The following GRID1 variants were observed in gnomAD, a reference collection of about 807,000 sequenced individuals.
The protein encoded by GRID1 is glutamate receptor ionotropic, delta-1.
Under a neutral mutation model 98.0 loss-of-function variants are expected in GRID1, and 28 were observed. That is an observed-to-expected ratio of 0.29 (90% CI 0.21 to 0.39). GRID1 has a LOEUF of 0.39. GRID1 is among the 10% of genes least tolerant of loss of function. The pLI is 1.00. For missense variants in GRID1, 1,111 were observed against 1,340.5 expected (o/e 0.83, Z 2.67); for synonymous variants, 553 against 538.5 (o/e 1.03, Z -0.37).
chr10:86,119,291 G>A (rs1302996979), intron 4 of GRID1, among the ~76,000 whole-genome samples: 1 of 152,022 alleles, frequency 6.6e-6, no homozygotes, highest in Non-Finnish European at 1.5e-5. Flanking sequence ...GCTGAGATCA[G>A]GCCACTGCAC....
At chr10:86,258,625 G>A (rs752279121) in intron 2 of GRID1, among the ~76,000 whole-genome samples, 4 of 152,176 alleles carry the variant, frequency 2.6e-5, no homozygotes, top group African/African-American at 7.2e-5. Context: ...CTTAGAGCTT[G>A]TTCAAAAGAG....
intron 4 of GRID1, among the ~76,000 whole-genome samples, chr10:85,928,823 A>G (rs1841811199): frequency 6.6e-6 from 1 of 152,214 alleles, no homozygotes; most frequent in Non-Finnish European, 1.5e-5. Context: ...ACCATTCAGA[A>G]TATTTTGGAA....
intron 2 of GRID1, among the ~76,000 whole-genome samples, chr10:86,211,184 A>AGGCAGCATGAATG (rs1256159437): frequency 6.6e-6 from 1 of 152,174 alleles, no homozygotes; most frequent in East Asian, 1.9e-4. Context: ...CATAGTAGCA[A>AGGCAGCATGAATG]CTCAGAAGTC....
intron 12 of GRID1, among the ~76,000 whole-genome samples, chr10:85,720,272 C>A (rs573393728): frequency 6.6e-6 from 1 of 151,964 alleles, no homozygotes; most frequent in Non-Finnish European, 1.5e-5. Context: ...GCTCTGAATA[C>A]AATTCTGAAA....
intron 2 of GRID1, among the ~76,000 whole-genome samples, chr10:86,214,081 G>C (rs2132024861): frequency 1.3e-5 from 2 of 152,250 alleles, no homozygotes; most frequent in South Asian, 4.2e-4. Flanking sequence ...TGGACACACT[G>C]TCCATTCTAC....
chr10:85,921,651 C>G (rs1841705381), intron 4 of GRID1, among the ~76,000 whole-genome samples: 2 of 152,204 alleles, frequency 1.3e-5, no homozygotes, highest in Admixed American at 1.3e-4. Flanking sequence ...AGGCAGCTCT[C>G]CTAGACTGGT....
At chr10:86,022,507 T>G (rs1020892823) in intron 4 of GRID1, among the ~76,000 whole-genome samples, 2 of 151,250 alleles carry the variant, frequency 1.3e-5, no homozygotes, top group Non-Finnish European at 3.0e-5. Flanking sequence ...AACCCCAAAG[T>G]CAGTTAAAGG....
At chr10:86,338,618 C>T (rs573341526) in intron 2 of GRID1, among the ~76,000 whole-genome samples, 111 of 152,296 alleles carry the variant, frequency 7.3e-4, no homozygotes, top group African/African-American at 2.3e-3. Context: ...AGTTCAGTGG[C>T]GCAATCTCGG....
intron 12 of GRID1, among the ~76,000 whole-genome samples, chr10:85,708,113 T>TAAAA (rs768805148): frequency 8.3e-6 from 1 of 120,930 alleles, no homozygotes. Context: ...TAAAGTATAA[T>TAAAA]AAAAAAAAAA....
chr10:86,294,024 G>A (rs74957704), intron 2 of GRID1, among the ~76,000 whole-genome samples: 236 of 152,200 alleles, frequency 1.6e-3, no homozygotes, highest in South Asian at 8.5e-3. Flanking sequence ...GAGTATATTC[G>A]CGGGTGATCA....
intron 2 of GRID1, among the ~76,000 whole-genome samples, chr10:86,270,252 C>T (rs1847164974): frequency 6.6e-6 from 1 of 152,156 alleles, no homozygotes; most frequent in East Asian, 1.9e-4. Context: ...TGCAGCCTGG[C>T]ACAGAACAGT....
chr10:85,921,527 T>C (rs765350731), intron 4 of GRID1, among the ~76,000 whole-genome samples: 8 of 152,200 alleles, frequency 5.3e-5, no homozygotes, highest in Non-Finnish European at 1.0e-4. Context: ...CTGGCCACCC[T>C]GATCTCACGA....
chr10:85,719,277 G>A (rs749884660), intron 12 of GRID1, among the ~76,000 whole-genome samples: 9 of 152,170 alleles, frequency 5.9e-5, no homozygotes, highest in East Asian at 1.9e-4. Flanking sequence ...CTTCTGAGCC[G>A]TCCAAACTGT....
chr10:85,884,849 T>C (rs1198512556), intron 5 of GRID1, among the ~76,000 whole-genome samples: 1 of 152,108 alleles, frequency 6.6e-6, no homozygotes, highest in African/African-American at 2.4e-5. Flanking sequence ...CCATTTTCAA[T>C]GGGAGAAGTA....
intron 2 of GRID1, among the ~76,000 whole-genome samples, chr10:86,236,650 C>A (rs958155240): frequency 6.6e-5 from 10 of 152,212 alleles, no homozygotes; most frequent in Non-Finnish European, 1.0e-4. Flanking sequence ...CTTCACACAG[C>A]AAAGTGCAAT....
intron 4 of GRID1, among the ~76,000 whole-genome samples, chr10:85,943,074 T>C (rs1842014650): frequency 6.6e-6 from 1 of 152,226 alleles, no homozygotes; most frequent in Non-Finnish European, 1.5e-5. Context: ...CTTCCAATTT[T>C]TCAATATTTA....
Position 85,602,891 on chromosome 10 carries a change from G to C in GRID1, c.2602-190C>G, listed in dbSNP as rs564220171. Among the ~76,000 whole-genome samples the C allele has an allele frequency of 9.9e-5, 15 of 152,248 alleles. No homozygotes were observed. The South Asian group carries it at 3.1e-3, about 32-fold the overall frequency. On this transcript the variant is annotated intron_variant, in intron 15 of 15. Transcript: ENST00000327946. Reference sequence around the variant, plus strand: ...CCTCAGTTATCTGGAGAAGCCAGGGGGGAGACATGATCCCTATGTAGCAAA... The same window carrying C: ...CCTCAGTTATCTGGAGAAGCCAGGGCGGAGACATGATCCCTATGTAGCAAA...
intron 8 of GRID1, 138 bp from the exon 9 acceptor site, chr10:85,729,752 C>A: frequency 1.7e-6 from 1 of 577,936 alleles, no homozygotes. Flanking sequence ...GACCCAGAGC[C>A]ATTTTAAAAC....
chr10:85,819,740 C>G (rs1452021857), intron 8 of GRID1, among the ~76,000 whole-genome samples: 2 of 151,952 alleles, frequency 1.3e-5, no homozygotes, highest in Non-Finnish European at 2.9e-5. Context: ...ACGGTGAAAC[C>G]CTGTCTCTAC....
Sources: gnomAD v4.1 joint callset for allele counts (sites outside exome capture counted in the v4.1 genomes callset) on GRCh38, gnomAD v4.1.1 for gene constraint, MANE v1.5 for transcripts, NCBI Gene and HGNC (gene_info 2026-07-23, HGNC 2026-07-21) for gene names.